Variants in LVRN observed in about 807,000 individuals in gnomAD.
The protein encoded by LVRN is laeverin, also known as aminopeptidase Q.
LVRN carries 99 observed loss-of-function variants against 111.4 expected under a neutral mutation model. The ratio of observed to expected loss-of-function variants is 0.89; its 90% CI spans 0.76 to 1.05. The LOEUF (loss-of-function observed/expected upper bound fraction) is 1.05, where lower values mean the gene tolerates loss of function less well. LVRN is among the 50% of genes least tolerant of loss of function. LVRN has a pLI of 0.00. For missense variants in LVRN, 1,414 were observed against 1,206.8 expected (o/e 1.17, Z -2.54); for synonymous variants, 488 against 449.5 (o/e 1.09, Z -1.08).
intron 14 of LVRN, 142 bp downstream of exon 14, chr5:116,011,036 TAC>T: frequency 6.0e-6 from 1 of 165,612 alleles, no homozygotes; most frequent in Non-Finnish European, 1.1e-5. Flanking sequence ...TGGAAGTATA[TAC>T]ATTTCCTTAA....
chr5:115,996,522 T>G (rs885119), intron 6 of LVRN, among the ~76,000 whole-genome samples: 4 of 152,130 alleles, frequency 2.6e-5, no homozygotes, highest in South Asian at 4.1e-4. Context: ...TTTTTGGAGA[T>G]CAAGAACTTT....
intron 1 of LVRN, among the ~76,000 whole-genome samples, chr5:115,966,830 T>C (rs571682139): frequency 8.0e-4 from 122 of 152,352 alleles, no homozygotes; most frequent in Middle Eastern, 6.8e-3. Context: ...CACTATATTT[T>C]AGCTGTCCTG....
chr5:116,020,718 C>T (rs1470724966), intron 18 of LVRN, among the ~76,000 whole-genome samples: 4 of 152,174 alleles, frequency 2.6e-5, no homozygotes, highest in African/African-American at 9.7e-5. Flanking sequence ...GGCTGGATGC[C>T]TTGGTGTTCC....
chr5:115,976,729 T>A (rs1753457768), intron 1 of LVRN, among the ~76,000 whole-genome samples: 1 of 152,234 alleles, frequency 6.6e-6, no homozygotes, highest in South Asian at 2.1e-4. Context: ...GCTTTCCAAA[T>A]GTTTCAGCAT....
At chr5:116,005,709 G>A (rs536865259) in intron 12 of LVRN, 2 of 642,044 alleles carry the variant, frequency 3.1e-6, no homozygotes, top group East Asian at 6.1e-5. Context: ...TTGATGTCCA[G>A]AGGGTTCATT....
Position 115,999,893 on chromosome 5 carries a change from T to C in LVRN, c.1506T>C (p.Thr502=), listed in dbSNP as rs1748200856. ...TACAGGAACTCTTTGACATATTTAC[T>C]TACAGCAAGGTAAAAGCAGTTAGAA... ...SEIQELFDIF[T]YSKGASMARM... Residue 502 remains threonine, a synonymous_variant, in exon 7 of 20, where the codon ACT becomes ACC. Coordinates refer to ENST00000357872, the MANE Select transcript of LVRN (RefSeq NM_173800.5). 5.6e-6 allele frequency: 9 copies of C among 1,609,262 alleles called. No homozygotes were observed. The highest frequency in any genetic ancestry group is 7.6e-6 in the Non-Finnish European group (9 of 1,178,878).
chr5:116,001,520 A>G (rs1200654065), intron 10 of LVRN, among the ~76,000 whole-genome samples: 1 of 152,176 alleles, frequency 6.6e-6, no homozygotes, highest in African/African-American at 2.4e-5. Context: ...AGACAGAGGT[A>G]ATGAATTACT....
At chr5:116,025,922 C>A in intron 19 of LVRN, 56 bp from the exon 20 acceptor site, 1 of 1,596,170 alleles carries the variant, frequency 6.3e-7, no homozygotes, top group Non-Finnish European at 8.5e-7. Flanking sequence ...TAGACATTTA[C>A]TTTGTCCAAA....
At chr5:116,004,310 A>C (rs575949804) in intron 12 of LVRN, among the ~76,000 whole-genome samples, 1 of 152,352 alleles carries the variant, frequency 6.6e-6, no homozygotes, top group African/African-American at 2.4e-5. Context: ...ACTGGATTAA[A>C]CTAAATTTCC....
At chr5:116,001,315 T>G in intron 10 of LVRN, 76 bp downstream of exon 10, 1 of 1,511,718 alleles carries the variant, frequency 6.6e-7, no homozygotes, top group Non-Finnish European at 9.1e-7. Flanking sequence ...AGCCTGTGGG[T>G]GAAGAAGCGT....
chr5:116,011,190 G>GT (rs34031653), intron 14 of LVRN, among the ~76,000 whole-genome samples: 26,624 of 143,956 alleles, frequency 0.18, 2,799 homozygotes, highest in East Asian at 0.54. Flanking sequence ...TGGTATGCCT[G>GT]TTTTTTTTTT....
chr5:116,019,765 C>T (rs888766572), intron 18 of LVRN: 3 of 152,200 alleles, frequency 2.0e-5, no homozygotes, highest in African/African-American at 2.4e-5. Flanking sequence ...TCTTGTGCTC[C>T]ATTTCTACAG....
intron 1 of LVRN, among the ~76,000 whole-genome samples, chr5:115,977,318 T>G (rs1236783289): frequency 1.3e-5 from 2 of 152,202 alleles, no homozygotes; most frequent in African/African-American, 4.8e-5. Flanking sequence ...AGTTTCCCTT[T>G]CCTGTGCTGC....
chr5:115,992,292 G>A lies in LVRN; in HGVS notation c.1260+15G>A, dbSNP rs1254561497. On this transcript the variant is annotated intron_variant, in intron 5 of 19. Coordinates refer to ENST00000357872, the MANE Select transcript of LVRN (RefSeq NM_173800.5). Reference sequence around the variant, plus strand: ...TTGGACACCAGGCATGTGGTAAAATGTTCTTTTTATTTCACTTGAAGTTAT... The same window carrying A: ...TTGGACACCAGGCATGTGGTAAAATATTCTTTTTATTTCACTTGAAGTTAT... 1.3e-5 allele frequency: 21 copies of A among 1,612,926 alleles called. No homozygotes were observed. The highest frequency in any genetic ancestry group is 1.7e-5 in the Non-Finnish European group (20 of 1,179,612).
chr5:116,018,967 G>C (rs1048246874), intron 18 of LVRN, among the ~76,000 whole-genome samples: 1 of 151,770 alleles, frequency 6.6e-6, no homozygotes, highest in Non-Finnish European at 1.5e-5. Context: ...TCCTGCATCA[G>C]AGCCACACAT....
At chr5:116,009,103 C>T (rs1257935024) in intron 13 of LVRN, among the ~76,000 whole-genome samples, 1 of 152,150 alleles carries the variant, frequency 6.6e-6, no homozygotes, top group African/African-American at 2.4e-5. Flanking sequence ...GAAGCCAATG[C>T]TCATTTACCA....
chr5:115,973,805 C>G (rs1208780943), intron 1 of LVRN, among the ~76,000 whole-genome samples: 1 of 152,070 alleles, frequency 6.6e-6, no homozygotes, highest in Non-Finnish European at 1.5e-5. Context: ...AGCTGGAGCC[C>G]TTATCTAGTA....
chr5:115,962,613 C>A lies in LVRN; in HGVS notation c.-5C>A. ...CCAGCCTCGCGCCTGAACCCGGTCC[C>A]TGCCATGGGGCCCCCTTCCAGCTCA... is the stretch of plus-strand genomic sequence containing the variant. On this transcript the variant is annotated 5_prime_UTR_variant, in exon 1 of 20. It adds an upstream start codon to the 5' untranslated region. Coordinates refer to ENST00000357872, the MANE Select transcript of LVRN (RefSeq NM_173800.5). 6.3e-7 allele frequency: 1 copy of A among 1,590,592 alleles called. No individual in the cohort carries two copies. Among genetic ancestry groups the A allele is most frequent in the South Asian group, 1.1e-5 (1 of 89,930 alleles).
intron 1 of LVRN, chr5:115,974,680 G>A (rs1561554522): frequency 6.1e-6 from 1 of 163,234 alleles, no homozygotes. Flanking sequence ...CTAGTCACAC[G>A]TGTAATTGGC....
Sources: gnomAD v4.1 joint callset for allele counts (sites outside exome capture counted in the v4.1 genomes callset) on GRCh38, gnomAD v4.1.1 for gene constraint, MANE v1.5 for transcripts, NCBI Gene and HGNC (gene_info 2026-07-23, HGNC 2026-07-21) for gene names.